Variants in PCSK6 observed in about 807,000 individuals in gnomAD.
PCSK6 encodes proprotein convertase subtilisin/kexin type 6.
PCSK6 carries 85 observed loss-of-function variants against 123.3 expected under a neutral mutation model. The ratio of observed to expected loss-of-function variants is 0.69; its 90% CI spans 0.58 to 0.83. The LOEUF (loss-of-function observed/expected upper bound fraction) is 0.83, where lower values mean the gene tolerates loss of function less well. Among genes scored for constraint, PCSK6 ranks in the 40% least tolerant of loss-of-function variants. PCSK6 has a pLI of 0.00. For missense variants in PCSK6, 1,191 were observed against 1,282.3 expected, an observed-to-expected ratio of 0.93 and a Z score of 1.09; for synonymous variants, 508 against 516.0, an observed-to-expected ratio of 0.98 and a Z score of 0.21.
At chr15:101,408,295 C>A (rs1454495009) in intron 6 of PCSK6, among the ~76,000 whole-genome samples, 1 of 152,260 alleles carries the variant, frequency 6.6e-6, no homozygotes, top group African/African-American at 2.4e-5. Context: ...GAGCTTGTTT[C>A]TAAGACTCAG....
intron 1 of PCSK6, among the ~76,000 whole-genome samples, chr15:101,479,556 G>A (rs2057818388): frequency 6.6e-6 from 1 of 152,162 alleles, no homozygotes; most frequent in Non-Finnish European, 1.5e-5. Flanking sequence ...AAGACCCAGA[G>A]GCTGGTCGGA....
chr15:101,325,129 A>G (rs188197576), intron 16 of PCSK6, 83 bp from the exon 17 acceptor site: 4 of 999,982 alleles, frequency 4.0e-6, no homozygotes, highest in Non-Finnish European at 5.8e-6. Flanking sequence ...CTCTGAGGAA[A>G]CGAAGGCTTC....
At chr15:101,339,910 AATAT>A (rs113117643) in intron 13 of PCSK6, among the ~76,000 whole-genome samples, 9,509 of 146,924 alleles carry the variant, frequency 0.065, 557 homozygotes, top group East Asian at 0.27. Context: ...ACCCTTTCTC[AATAT>A]ATATATATAT....
rs566059223 is a variant in PCSK6 at position 101,482,494 on chromosome 15, G to A, written c.297+6880C>T. On this transcript the variant is annotated intron_variant, in intron 1 of 21. Transcript: ENST00000611716. ...CCTGGCTGAGCTGCAGAAGATCAGAGGAACTACTTTCTAGATGCCACAATC... is the reference window on the plus strand; with the variant it reads ...CCTGGCTGAGCTGCAGAAGATCAGAAGAACTACTTTCTAGATGCCACAATC... Among the ~76,000 whole-genome samples, 42 of 152,344 alleles carry A rather than the reference G, an allele frequency of 2.8e-4. 1 individual carries two copies. The South Asian group carries it at 4.6e-3, about 17-fold the overall frequency.
intron 6 of PCSK6, among the ~76,000 whole-genome samples, chr15:101,423,090 G>A (rs992820935): frequency 1.6e-4 from 24 of 152,234 alleles, no homozygotes; most frequent in African/African-American, 5.5e-4. Context: ...AAATGGCCTA[G>A]ATGTTGGAAT....
chr15:101,376,185 TG>T (rs1440690117), intron 11 of PCSK6, among the ~76,000 whole-genome samples: 1 of 152,140 alleles, frequency 6.6e-6, no homozygotes. Context: ...CTTGACCTCC[TG>T]GGCTCAAGCG....
intron 9 of PCSK6, 115 bp from the exon 10 acceptor site, chr15:101,384,540 C>T: frequency 1.4e-6 from 1 of 729,914 alleles, no homozygotes; most frequent in East Asian, 2.6e-5. Flanking sequence ...GCAAGCCCCT[C>T]AGGCTAAGGA....
intron 12 of PCSK6, among the ~76,000 whole-genome samples, chr15:101,368,511 G>A (rs187716313): frequency 1.1e-4 from 17 of 152,348 alleles, no homozygotes; most frequent in Non-Finnish European, 2.2e-4. Context: ...GAGTGGAAGA[G>A]CAGGGTGTGG....
chr15:101,431,594 TAC>T (rs2056449640), intron 3 of PCSK6, 131 bp from the exon 4 acceptor site: 5 of 1,084,458 alleles, frequency 4.6e-6, no homozygotes, highest in Non-Finnish European at 6.8e-6. Context: ...ATCCCTGCCT[TAC>T]ATAGCAGAGC....
intron 19 of PCSK6, among the ~76,000 whole-genome samples, chr15:101,315,635 T>C (rs1003098677): frequency 1.3e-5 from 2 of 152,256 alleles, no homozygotes; most frequent in African/African-American, 4.8e-5. Flanking sequence ...GTGTTTCTCA[T>C]TTGCTGTTTC....
chr15:101,388,750 A>G (rs1204594278), intron 9 of PCSK6, among the ~76,000 whole-genome samples: 1 of 152,220 alleles, frequency 6.6e-6, no homozygotes, highest in East Asian at 1.9e-4. Flanking sequence ...CGTTCTACAA[A>G]CGGGTGAACC....
intron 13 of PCSK6, among the ~76,000 whole-genome samples, chr15:101,339,552 T>C (rs2040553544): frequency 6.6e-6 from 1 of 152,178 alleles, no homozygotes; most frequent in Admixed American, 6.5e-5. Context: ...TATAATTTAC[T>C]CCTTAAAAGG....
At chr15:101,318,476 A>C in intron 18 of PCSK6, 54 bp from the exon 19 acceptor site, 1 of 1,407,522 alleles carries the variant, frequency 7.1e-7, no homozygotes, top group Non-Finnish European at 9.8e-7. Context: ...TCTAATTATG[A>C]CTTGCCCTCT....
intron 1 of PCSK6, among the ~76,000 whole-genome samples, chr15:101,482,415 C>CA (rs1254021683): frequency 6.6e-6 from 1 of 152,204 alleles, no homozygotes; most frequent in Admixed American, 6.5e-5. Context: ...AGGGCAAGTA[C>CA]AACCCGGAAG....
chr15:101,484,066 G>A (rs888205320), intron 1 of PCSK6, among the ~76,000 whole-genome samples: 12 of 151,902 alleles, frequency 7.9e-5, no homozygotes, highest in African/African-American at 1.7e-4. Context: ...TATATTATAC[G>A]TGTGTATATA....
At position 101,427,877 on chromosome 15, in the gene PCSK6, C is replaced by A. The variant is rs1044600138; in HGVS notation, c.823+15G>T. The A allele has an allele frequency of 2.1e-5, 33 of 1,548,006 alleles. No individual in the cohort carries two copies. The highest frequency in any genetic ancestry group is 2.8e-5 in the Non-Finnish European group (32 of 1,142,820). On this transcript the variant is annotated intron_variant, in intron 6 of 21. Coordinates refer to ENST00000611716, the MANE Select transcript of PCSK6 (RefSeq NM_002570.5). ...CCAGGCCCCTCGGCTCGCAGGCTGC[C>A]ACGCCCGGCCTTACCTCCTATTTTG...
intron 13 of PCSK6, among the ~76,000 whole-genome samples, chr15:101,339,091 G>T (rs190143609): frequency 2.0e-5 from 3 of 152,208 alleles, no homozygotes; most frequent in African/African-American, 7.2e-5. Context: ...CCTATGCCTG[G>T]CATTTTGAGT....
At chr15:101,345,829 G>A (rs546726301) in intron 13 of PCSK6, among the ~76,000 whole-genome samples, 109 of 152,236 alleles carry the variant, frequency 7.2e-4, no homozygotes, top group Non-Finnish European at 1.3e-3. Context: ...CACCATGACC[G>A]GCTAATTTTT....
chr15:101,372,540 G>A (rs941427485), intron 11 of PCSK6, among the ~76,000 whole-genome samples: 8 of 152,260 alleles, frequency 5.3e-5, no homozygotes, highest in Non-Finnish European at 7.4e-5. Flanking sequence ...CCCCCGCTGC[G>A]GTAGATGGCG....
Sources: gnomAD v4.1 joint callset for allele counts (sites outside exome capture counted in the v4.1 genomes callset) on GRCh38, gnomAD v4.1.1 for gene constraint, MANE v1.5 for transcripts, NCBI Gene and HGNC (gene_info 2026-07-23, HGNC 2026-07-21) for gene names.